The following JAM2 variants were observed in gnomAD, a reference collection of about 807,000 sequenced individuals.
The protein encoded by JAM2 is junctional adhesion molecule B.
A neutral mutation model predicts 42.0 loss-of-function variants in JAM2; 17 were observed. The ratio of observed to expected loss-of-function variants is 0.40; its 90% CI spans 0.28 to 0.61. JAM2 has a LOEUF of 0.61. JAM2 is among the 20% of genes least tolerant of loss of function. The pLI is 0.37. For synonymous variants in JAM2, 118 were observed against 128.6 expected (o/e 0.92, Z 0.56); for missense variants, 319 against 358.3 (o/e 0.89, Z 0.89).
intron 4 of JAM2, among the ~76,000 whole-genome samples, chr21:25,695,186 A>C (rs1339562307): frequency 6.6e-6 from 1 of 152,150 alleles, no homozygotes. Context: ...ATGACTCTTA[A>C]GGAGCATGCT....
At chr21:25,712,659 A>G (rs2034407346) in intron 9 of JAM2, among the ~76,000 whole-genome samples, 1 of 152,226 alleles carries the variant, frequency 6.6e-6, no homozygotes, top group Non-Finnish European at 1.5e-5. Context: ...CCTTCTTAGT[A>G]TCACTAGGTC....
intron 1 of JAM2, among the ~76,000 whole-genome samples, chr21:25,662,214 A>G (rs951640063): frequency 9.2e-5 from 14 of 152,106 alleles, no homozygotes; most frequent in African/African-American, 3.4e-4. Flanking sequence ...GTGATACAAT[A>G]AAATTCACTG....
chr21:25,698,769 G>C lies in JAM2; in HGVS notation c.487G>C (p.Ala163Pro), dbSNP rs200303248. ...ATGTCAAGACAAAGAAGGGAATCCAGCTCCTGAATACACATGGTTTAAGGA... is the reference window on the plus strand; with the variant it reads ...ATGTCAAGACAAAGAAGGGAATCCACCTCCTGAATACACATGGTTTAAGGA... The part of the protein sequence containing the change: ...LRCQDKEGNP[A>P]PEYTWFKDGI... Residue 163 changes from alanine (A) to proline (P), a missense_variant, in exon 5 of 10, where the codon GCT (alanine) becomes CCT (proline). By Grantham distance (27) the Ala-to-Pro change is conservative. Coordinates refer to ENST00000480456, the MANE Select transcript of JAM2 (RefSeq NM_021219.4). The C allele has an allele frequency of 1.9e-6, 3 of 1,614,118 alleles. No homozygotes were observed. Among genetic ancestry groups the C allele is most frequent in the Non-Finnish European group, 1.7e-6 (2 of 1,179,990 alleles).
rs781363907 is a variant in JAM2 at position 25,714,980 on chromosome 21, T to C, written c.*308T>C. 2 of 219,590 alleles carry C rather than the reference T, an allele frequency of 9.1e-6. No homozygotes were observed. Among genetic ancestry groups the C allele is most frequent in the Non-Finnish European group, 1.8e-5 (2 of 113,378 alleles). The allele number at this position is 219,590 out of a possible 1,614,324, so 13.6% of individuals were successfully genotyped here. On this transcript the variant is annotated 3_prime_UTR_variant, in exon 10 of 10. Coordinates refer to ENST00000480456, the MANE Select transcript of JAM2 (RefSeq NM_021219.4). Reference sequence around the variant, plus strand: ...ACTTCTAGAGAACGTTACTAAAATATAACATACTGATTGTGAAGTCAATCC... The same window carrying C: ...ACTTCTAGAGAACGTTACTAAAATACAACATACTGATTGTGAAGTCAATCC...
intron 1 of JAM2, among the ~76,000 whole-genome samples, chr21:25,655,284 AT>A (rs2032898735): frequency 6.6e-6 from 1 of 151,558 alleles, no homozygotes; most frequent in Admixed American, 6.6e-5. Context: ...AATTTTCTTA[AT>A]AAAAAACTAT....
At chr21:25,677,563 T>C (rs544167722) in intron 1 of JAM2, among the ~76,000 whole-genome samples, 16 of 152,202 alleles carry the variant, frequency 1.1e-4, no homozygotes, top group Non-Finnish European at 1.8e-4. Flanking sequence ...TCCTAAATCT[T>C]ATAATCTCAG....
Position 25,689,911 on chromosome 21 carries a change from G to C in JAM2, c.179G>C (p.Arg60Thr), listed in dbSNP as rs1330234704. The C allele has an allele frequency of 6.2e-7, 1 of 1,613,876 alleles. No homozygotes were observed. Among genetic ancestry groups the C allele is most frequent in the Non-Finnish European group, 8.5e-7 (1 of 1,179,824 alleles). The change falls in exon 3 of 10, where the codon AGA becomes ACA. Residue 60 changes from arginine (R) to threonine (T), a missense_variant. Physicochemically the swap from Arg to Thr is moderately conservative, Grantham distance 71 (BLOSUM62 -1). Transcript: ENST00000480456. The stretch of plus-strand genomic sequence containing the variant: ...ACCCCAAAGAAGACTGTTTCCTCCA[G>C]ATTAGAGTGGAAGAAACTGGGTCGG... Reference protein sequence around the residue: ...CKTPKKTVSSRLEWKKLGRSV... With the variant: ...CKTPKKTVSSTLEWKKLGRSV...
chr21:25,685,800 G>T (rs1050878583), intron 2 of JAM2, among the ~76,000 whole-genome samples: 2 of 152,116 alleles, frequency 1.3e-5, no homozygotes, highest in Non-Finnish European at 2.9e-5. Context: ...GGCCACAAGG[G>T]TGAGCACAGA....
intron 3 of JAM2, among the ~76,000 whole-genome samples, chr21:25,690,796 G>T (rs557856567): frequency 6.6e-6 from 1 of 151,892 alleles, no homozygotes; most frequent in African/African-American, 2.4e-5. Context: ...AAGACTTATG[G>T]GTGGGTTATG....
At chr21:25,655,100 T>C (rs1409761374) in intron 1 of JAM2, among the ~76,000 whole-genome samples, 2 of 152,204 alleles carry the variant, frequency 1.3e-5, no homozygotes, top group African/African-American at 2.4e-5. Flanking sequence ...ATGTCTTTAA[T>C]CTTTAGTGGT....
intron 1 of JAM2, among the ~76,000 whole-genome samples, chr21:25,646,084 A>G (rs530110673): frequency 4.2e-4 from 64 of 152,226 alleles, no homozygotes; most frequent in Non-Finnish European, 7.9e-4. Flanking sequence ...CACTAAATTT[A>G]TAAAACAATA....
intron 1 of JAM2, among the ~76,000 whole-genome samples, chr21:25,649,570 G>A (rs189337827): frequency 6.6e-5 from 10 of 152,186 alleles, no homozygotes; most frequent in East Asian, 3.9e-4. Context: ...TTTGGGTGGC[G>A]ACACAACCAA....
At chr21:25,661,601 A>C (rs1429860317) in intron 1 of JAM2, among the ~76,000 whole-genome samples, 1 of 151,890 alleles carries the variant, frequency 6.6e-6, no homozygotes, top group Non-Finnish European at 1.5e-5. Flanking sequence ...TATTTCCCAA[A>C]TTTTACATAT....
Position 25,713,977 on chromosome 21 carries a change from G to A in JAM2, c.865-663G>A, listed in dbSNP as rs548849704. On this transcript the variant is annotated intron_variant, in intron 9 of 9. Transcript: ENST00000480456. ...CCTACCACAGGGTTTCTCAACCTCA[G>A]CACTACTGATATTTTGGGCCACATC... 9.7e-4 allele frequency among the ~76,000 whole-genome samples: 148 copies of A among 152,294 alleles called. 2 individuals are homozygous for A. In the Middle Eastern group the frequency reaches 0.01, roughly 11 times the overall value.
At chr21:25,705,879 T>G in intron 6 of JAM2, 100 bp from the exon 7 acceptor site, 1 of 776,778 alleles carries the variant, frequency 1.3e-6, no homozygotes, top group Non-Finnish European at 2.3e-6. Context: ...CTTTATGATA[T>G]AGCTGCAAAG....
At chr21:25,706,926 G>C (rs2034284193) in intron 7 of JAM2, among the ~76,000 whole-genome samples, 1 of 151,918 alleles carries the variant, frequency 6.6e-6, no homozygotes, top group Non-Finnish European at 1.5e-5. Flanking sequence ...TTTTAGTAGA[G>C]ACGGGGTTTC....
chr21:25,693,944 C>T (rs774240730), intron 4 of JAM2, 36 bp downstream of exon 4: 1 of 1,601,632 alleles, frequency 6.2e-7, no homozygotes, highest in Non-Finnish European at 8.5e-7. Context: ...ACGTCTCCCA[C>T]TCCTTCTCCA....
chr21:25,642,049 T>C (rs530022382), intron 1 of JAM2, among the ~76,000 whole-genome samples: 2 of 152,312 alleles, frequency 1.3e-5, no homozygotes, highest in South Asian at 2.1e-4. Flanking sequence ...CCAGGGAACA[T>C]ACCGTACACA....
chr21:25,694,898 A>T (rs1380065585), intron 4 of JAM2, among the ~76,000 whole-genome samples: 1 of 151,356 alleles, frequency 6.6e-6, no homozygotes, highest in African/African-American at 2.4e-5. Flanking sequence ...TTTGTGGAGG[A>T]ACACGATCTC....
Sources: allele counts gnomAD v4.1 joint callset (sites outside exome capture counted in the v4.1 genomes callset), GRCh38; gene constraint gnomAD v4.1.1; transcripts MANE v1.5; gene names NCBI Gene and HGNC (gene_info 2026-07-23, HGNC 2026-07-21).